PRKN: variants seen among roughly 807,000 people sequenced by gnomAD.
PRKN encodes the protein E3 ubiquitin-protein ligase parkin.
PRKN carries 56 observed loss-of-function variants against 59.5 expected under a neutral mutation model. The observed-to-expected ratio is 0.94, with a 90% CI of 0.76 to 1.18. PRKN has a LOEUF of 1.18. Among genes scored for constraint, PRKN ranks in the 50% most tolerant of loss-of-function variants. The pLI is 0.00. For synonymous variants in PRKN, 250 were observed against 222.1 expected (o/e 1.13, Z -1.12); for missense variants, 657 against 596.4 (o/e 1.10, Z -1.06).
chr6:161,480,507 A>T lies in PRKN; in HGVS notation c.1083+68347T>A, dbSNP rs2115237141. Among the ~76,000 whole-genome samples, 1 of 152,340 alleles carries T rather than the reference A, an allele frequency of 6.6e-6. No individual in the cohort carries two copies. Among genetic ancestry groups the T allele is most frequent in the South Asian group, 2.1e-4 (1 of 4,822 alleles). On this transcript the variant is annotated intron_variant, in intron 9 of 11. Transcript: ENST00000366898. The surrounding 1 kb of genome is among the most constrained non-coding windows in gnomAD (Gnocchi z 4.1). ...AATAGCAGACTCACAAAATGCCAGA[A>T]GCGAGAGTTTGATTCCATTGGTATT...
intron 5 of PRKN, among the ~76,000 whole-genome samples, chr6:162,039,154 TCA>T (rs113278639): frequency 0.17 from 24,776 of 148,146 alleles, 2,657 homozygotes; most frequent in African/African-American, 0.32. Context: ...AGACTCCATC[TCA>T]CAAAAAAAAA....
At chr6:162,192,176 CAATG>C (rs1562570417) in intron 4 of PRKN, among the ~76,000 whole-genome samples, 2 of 152,064 alleles carry the variant, frequency 1.3e-5, no homozygotes. Flanking sequence ...TCATCCTGCA[CAATG>C]AATAAGATTG....
At chr6:161,723,963 C>T (rs1290803900) in intron 7 of PRKN, among the ~76,000 whole-genome samples, 2 of 152,220 alleles carry the variant, frequency 1.3e-5, no homozygotes, top group East Asian at 1.9e-4. Flanking sequence ...CACTCACCTA[C>T]AGCTCCTTCC....
intron 1 of PRKN, among the ~76,000 whole-genome samples, chr6:162,648,290 AAATGGGAT>A (rs1440675712): frequency 2.6e-5 from 4 of 152,150 alleles, no homozygotes; most frequent in Non-Finnish European, 4.4e-5. Context: ...ACATTATACT[AAATGGGAT>A]TCCAATGGTC....
rs1211426427 is a variant in PRKN at position 161,460,403 on chromosome 6, T to C, written c.1084-73526A>G. Reference sequence around the variant, plus strand: ...CAGGCCCAAATATCCATTTAGGATCTCTGGAATATAATGGGCTATACTTGG... The same window carrying C: ...CAGGCCCAAATATCCATTTAGGATCCCTGGAATATAATGGGCTATACTTGG... On this transcript the variant is annotated intron_variant, in intron 9 of 11. Coordinates refer to ENST00000366898, the MANE Select transcript of PRKN (RefSeq NM_004562.3). The surrounding 1 kb of genome is among the most constrained non-coding windows in gnomAD (Gnocchi z 5.0). 6.6e-6 allele frequency among the ~76,000 whole-genome samples: 1 copy of C among 152,098 alleles called. No individual in the cohort carries two copies. The highest frequency in any genetic ancestry group is 6.5e-5 in the Admixed American group (1 of 15,268).
intron 6 of PRKN, among the ~76,000 whole-genome samples, chr6:161,809,258 G>C (rs1017017448): frequency 6.6e-6 from 1 of 150,988 alleles, no homozygotes. Context: ...CTCAAAGGCA[G>C]GGGGGGAAGG....
chr6:161,819,757 A>T (rs1161354947), intron 6 of PRKN, among the ~76,000 whole-genome samples: 1 of 152,230 alleles, frequency 6.6e-6, no homozygotes, highest in Non-Finnish European at 1.5e-5. Context: ...ATCACATTTT[A>T]AAGCGAATCT....
At chr6:162,315,437 G>A (rs1289294369) in intron 2 of PRKN, among the ~76,000 whole-genome samples, 1 of 152,176 alleles carries the variant, frequency 6.6e-6, no homozygotes, top group Non-Finnish European at 1.5e-5. Flanking sequence ...ATGACCAACT[G>A]CCTCAAAAGC....
Position 161,352,726 on chromosome 6 carries a change from A to AGTGTGTGTATGTGT in PRKN, c.1286-2516_1286-2515insACACATACACACAC, listed in dbSNP as rs1554251118. ...TATATAAACACAAATATGTATGAAG[A>AGTGTGTGTATGTGT]GTGTGTGTGTGTGTGTGTGTGTGTG... On this transcript the variant is annotated intron_variant, in intron 11 of 11. Coordinates refer to ENST00000366898, the MANE Select transcript of PRKN (RefSeq NM_004562.3). This position sits in a 1 kb window ranked among gnomAD's most constrained non-coding sequence, Gnocchi z 5.8. Among the ~76,000 whole-genome samples, 363 of 128,500 alleles carry AGTGTGTGTATGTGT rather than the reference A, an allele frequency of 2.8e-3. 1 individual carries two copies. The highest frequency in any genetic ancestry group is 8.7e-3 in the African/African-American group (286 of 32,880). The allele number at this position is 128,500 out of a possible 152,430, so 84.3% of individuals were successfully genotyped here.
Position 162,056,170 on chromosome 6 carries a change from CCA to C in PRKN, c.535-1998_535-1997del, listed in dbSNP as rs1445954435. On this transcript the variant is annotated intron_variant, in intron 4 of 11. Transcript: ENST00000366898. The surrounding 1 kb of genome is among the most constrained non-coding windows in gnomAD (Gnocchi z 4.9). ...ACACACGCACGCACACCAAAACACACCACACATGCATAAACACACCACATATG... is the reference window on the plus strand; with the variant it reads ...ACACACGCACGCACACCAAAACACACCACATGCATAAACACACCACATATG... 6.6e-6 allele frequency among the ~76,000 whole-genome samples: 1 copy of C among 150,728 alleles called. No homozygotes were observed. The highest frequency in any genetic ancestry group is 1.5e-5 in the Non-Finnish European group (1 of 67,622).
intron 7 of PRKN, among the ~76,000 whole-genome samples, chr6:161,751,784 A>G (rs576022999): frequency 2.6e-5 from 4 of 152,342 alleles, no homozygotes; most frequent in Non-Finnish European, 5.9e-5. Context: ...GGTATAAAGA[A>G]AACAAAGAGG....
chr6:161,447,902 G>C lies in PRKN; in HGVS notation c.1084-61025C>G, dbSNP rs908551824. Reference sequence around the variant, plus strand: ...AAAGTTAAGCCCTGGAAATGGAGTTGTGAGAGCAGGCTGTTTTTTCTCTCT... The same window carrying C: ...AAAGTTAAGCCCTGGAAATGGAGTTCTGAGAGCAGGCTGTTTTTTCTCTCT... On this transcript the variant is annotated intron_variant, in intron 9 of 11. Coordinates refer to ENST00000366898, the MANE Select transcript of PRKN (RefSeq NM_004562.3). The surrounding 1 kb of genome is among the most constrained non-coding windows in gnomAD (Gnocchi z 4.1). 1.6e-4 allele frequency among the ~76,000 whole-genome samples: 24 copies of C among 152,198 alleles called. No homozygotes were observed. Among genetic ancestry groups the C allele is most frequent in the Non-Finnish European group, 1.9e-4 (13 of 68,036 alleles).
intron 6 of PRKN, among the ~76,000 whole-genome samples, chr6:161,864,265 T>G (rs1415810646): frequency 6.6e-6 from 1 of 152,212 alleles, no homozygotes; most frequent in Non-Finnish European, 1.5e-5. Flanking sequence ...GTATGTAATA[T>G]TCTAAATCCT....
chr6:161,599,524 C>G lies in PRKN; in HGVS notation c.872-30108G>C, dbSNP rs574498065. Among the ~76,000 whole-genome samples the G allele has an allele frequency of 2.4e-3, 366 of 152,230 alleles. 3 individuals carry two copies. The highest frequency in any genetic ancestry group is 3.3e-3 in the Admixed American group (51 of 15,298). On this transcript the variant is annotated intron_variant, in intron 7 of 11. Coordinates refer to ENST00000366898, the MANE Select transcript of PRKN (RefSeq NM_004562.3). ...TCTTTAGAGTTCTGAAATTCAAGAG[C>G]AAAATGATTGCCTCATTGGAATTAC...
intron 2 of PRKN, among the ~76,000 whole-genome samples, chr6:162,417,474 A>G (rs1028694494): frequency 6.6e-6 from 1 of 152,198 alleles, no homozygotes; most frequent in African/African-American, 2.4e-5. Context: ...AGAGTGAGAG[A>G]TGACCAGAAG....
At chr6:161,730,606 A>ATGTGT (rs1787657582) in intron 7 of PRKN, among the ~76,000 whole-genome samples, 3 of 143,450 alleles carry the variant, frequency 2.1e-5, no homozygotes, top group African/African-American at 5.9e-5. Context: ...ATTCTTTCTG[A>ATGTGT]TACATCACAT....
intron 7 of PRKN, among the ~76,000 whole-genome samples, chr6:161,779,438 TTC>T: frequency 1.4e-4 from 14 of 101,052 alleles, no homozygotes; most frequent in African/African-American, 5.3e-4. Flanking sequence ...TTCTTTTCTT[TTC>T]TTTTTTTTTT....
intron 4 of PRKN, among the ~76,000 whole-genome samples, chr6:162,098,248 C>T (rs1483652936): frequency 6.6e-6 from 1 of 152,108 alleles, no homozygotes; most frequent in Non-Finnish European, 1.5e-5. Flanking sequence ...CTACAGGAGA[C>T]AAATCAATGC....
intron 1 of PRKN, among the ~76,000 whole-genome samples, chr6:162,644,461 C>T (rs1778087304): frequency 6.6e-6 from 1 of 152,158 alleles, no homozygotes; most frequent in Non-Finnish European, 1.5e-5. Flanking sequence ...CACTGCCAGC[C>T]CGCACAGACC....
Sources: allele counts gnomAD v4.1 joint callset (sites outside exome capture counted in the v4.1 genomes callset), GRCh38; gene constraint gnomAD v4.1.1; non-coding constraint Gnocchi (gnomAD v3.1); transcripts MANE v1.5; gene names NCBI Gene and HGNC (gene_info 2026-07-23, HGNC 2026-07-21).